ZHX2: variants seen among roughly 807,000 people sequenced by gnomAD.
ZHX2 encodes the protein zinc fingers and homeoboxes protein 2.
Under a neutral mutation model 21.9 loss-of-function variants are expected in ZHX2, and 6 were observed. That is an observed-to-expected ratio of 0.27 (90% CI 0.15 to 0.54). The LOEUF (loss-of-function observed/expected upper bound fraction) is 0.54. ZHX2 is among the 20% of genes least tolerant of loss of function. The pLI, the probability that ZHX2 is intolerant of heterozygous loss-of-function variation, is 0.95. For synonymous variants in ZHX2, 434 were observed against 437.1 expected (o/e 0.99, Z 0.09); for missense variants, 908 against 1,090.7 (o/e 0.83, Z 2.36).
chr8:122,783,578 C>G (rs1362016517), intron 1 of ZHX2, among the ~76,000 whole-genome samples: 1 of 152,176 alleles, frequency 6.6e-6, no homozygotes, highest in Non-Finnish European at 1.5e-5. Context: ...TCTGAGAGCT[C>G]TTCAAGATTT....
Position 122,952,411 on chromosome 8 carries a change from C to T in ZHX2, c.901C>T (p.His301Tyr). 1 of 1,614,216 alleles carries T rather than the reference C, an allele frequency of 6.2e-7. No individual in the cohort carries two copies. ...GTCCTGGCTGACAGCTGCCTCCAAA[C>T]ACCCAGAGGAGCACATCAGAATCTG... ...ELSWLTAASK[H>Y]PEEHIRIWFA... Residue 301 changes from histidine (H) to tyrosine (Y), a missense_variant, in exon 3 of 4, where the codon CAC (histidine) becomes TAC (tyrosine). By Grantham distance (83) the His-to-Tyr change is moderately conservative. This residue lies in a region of ZHX2 where 232 missense variants were observed against 361.8 expected (regional missense o/e 0.64). Transcript: ENST00000314393. The surrounding 1 kb of genome is among the most constrained non-coding windows in gnomAD (Gnocchi z 6.9).
chr8:122,886,209 A>G (rs1009296275), intron 2 of ZHX2, among the ~76,000 whole-genome samples: 1 of 152,242 alleles, frequency 6.6e-6, no homozygotes, highest in Non-Finnish European at 1.5e-5. Context: ...GCATATTGCT[A>G]AGTGAAAGAA....
intron 3 of ZHX2, among the ~76,000 whole-genome samples, chr8:122,962,813 C>T (rs995972458): frequency 1.3e-5 from 2 of 152,132 alleles, no homozygotes; most frequent in East Asian, 3.8e-4. Context: ...TTAATTATGG[C>T]CATTCTTGCA....
At chr8:122,891,121 G>A (rs993108104) in intron 2 of ZHX2, among the ~76,000 whole-genome samples, 1 of 152,108 alleles carries the variant, frequency 6.6e-6, no homozygotes, top group African/African-American at 2.4e-5. Context: ...AAGAATTGGT[G>A]TTAGTTCTTC....
chr8:122,833,157 A>C (rs1818415686), intron 1 of ZHX2, among the ~76,000 whole-genome samples: 1 of 152,238 alleles, frequency 6.6e-6, no homozygotes, highest in Non-Finnish European at 1.5e-5. Flanking sequence ...GGTTTAGAAC[A>C]GAAAAATGAG....
intron 1 of ZHX2, among the ~76,000 whole-genome samples, chr8:122,850,197 C>T (rs560874790): frequency 2.0e-5 from 3 of 152,304 alleles, no homozygotes; most frequent in Admixed American, 1.3e-4. Flanking sequence ...ACCACATCCT[C>T]GCAAGAGCCC....
chr8:122,841,081 G>A (rs887536635), intron 1 of ZHX2, among the ~76,000 whole-genome samples: 2 of 152,172 alleles, frequency 1.3e-5, no homozygotes, highest in African/African-American at 4.8e-5. Flanking sequence ...CTGGCCCTTG[G>A]TTCTTGTCTT....
chr8:122,969,488 C>T (rs1000589335), intron 3 of ZHX2, among the ~76,000 whole-genome samples: 3 of 151,948 alleles, frequency 2.0e-5, no homozygotes, highest in Non-Finnish European at 4.4e-5. Flanking sequence ...TATGCATATG[C>T]CCAAACTCAC....
chr8:122,875,334 A>C (rs1819547231), intron 2 of ZHX2, among the ~76,000 whole-genome samples: 1 of 151,944 alleles, frequency 6.6e-6, no homozygotes, highest in Non-Finnish European at 1.5e-5. Context: ...AACAAACAAA[A>C]CAAAGAAGAA....
Position 122,935,726 on chromosome 8 carries a change from G to A in ZHX2, c.-219-15566G>A, listed in dbSNP as rs536268830. ...AATTATTTGTATTTTTAGTAGAGAC[G>A]GGGTTTCACCATGTTAGCCAGGATT... On this transcript the variant is annotated intron_variant, in intron 2 of 3. Transcript: ENST00000314393. 4.8e-3 allele frequency among the ~76,000 whole-genome samples: 732 copies of A among 151,956 alleles called. 6 individuals are homozygous for A. Among genetic ancestry groups the A allele is most frequent in the African/African-American group, 0.016 (682 of 41,450 alleles).
intron 3 of ZHX2, among the ~76,000 whole-genome samples, chr8:122,960,583 G>C (rs904991864): frequency 6.6e-6 from 1 of 152,062 alleles, no homozygotes; most frequent in African/African-American, 2.4e-5. Context: ...GTAATGGATG[G>C]ATTGAAAACC....
rs1812852520 is a variant in ZHX2, at chr8:122,941,855, G to A, written c.-219-9437G>A. On this transcript the variant is annotated intron_variant, in intron 2 of 3. Coordinates refer to ENST00000314393, the MANE Select transcript of ZHX2 (RefSeq NM_014943.5). ...CCCAGGCTCTGCACCTGGAGGCTTG[G>A]GTGTAGTAACTCTGGACTGAGGTTC... Among the ~76,000 whole-genome samples, 4 of 152,250 alleles carry A rather than the reference G, an allele frequency of 2.6e-5. No homozygotes were observed. The South Asian group carries it at 8.3e-4, about 32-fold the overall frequency.
intron 1 of ZHX2, among the ~76,000 whole-genome samples, chr8:122,785,516 C>T (rs2130513228): frequency 6.6e-6 from 1 of 152,356 alleles, no homozygotes; most frequent in African/African-American, 2.4e-5. Flanking sequence ...TTACCCAGTA[C>T]AGCTTCACTG....
intron 1 of ZHX2, among the ~76,000 whole-genome samples, chr8:122,820,011 G>C (rs1450959861): frequency 6.6e-6 from 1 of 152,104 alleles, no homozygotes; most frequent in Non-Finnish European, 1.5e-5. Flanking sequence ...AGAGCTCTCA[G>C]GGGTTGGCGA....
chr8:122,784,933 C>G (rs527511870), intron 1 of ZHX2, among the ~76,000 whole-genome samples: 3 of 152,172 alleles, frequency 2.0e-5, no homozygotes, highest in Admixed American at 2.0e-4. Flanking sequence ...GGAGACAGAG[C>G]CCCCCTGGCA....
chr8:122,970,576 C>G (rs1813695464), intron 3 of ZHX2, among the ~76,000 whole-genome samples: 1 of 152,214 alleles, frequency 6.6e-6, no homozygotes, highest in Middle Eastern at 3.2e-3. Flanking sequence ...TCCACCCCAT[C>G]CTGCAGTCCT....
chr8:122,817,312 C>A (rs1354012801), intron 1 of ZHX2, among the ~76,000 whole-genome samples: 1 of 152,162 alleles, frequency 6.6e-6, no homozygotes, highest in Non-Finnish European at 1.5e-5. Flanking sequence ...CTTTACAGGC[C>A]CTTTTATCCT....
chr8:122,782,287 A>G lies in ZHX2; in HGVS notation c.-283+341A>G, dbSNP rs866078865. Reference sequence around the variant, plus strand: ...AGGAAAAACATGTCTACGTTTCCCTATGTCGACATAAGCCACAAAAAAATA... The same window carrying G: ...AGGAAAAACATGTCTACGTTTCCCTGTGTCGACATAAGCCACAAAAAAATA... On this transcript the variant is annotated intron_variant, in intron 1 of 3. Coordinates refer to ENST00000314393, the MANE Select transcript of ZHX2 (RefSeq NM_014943.5). This position sits in a 1 kb window ranked among gnomAD's most constrained non-coding sequence, Gnocchi z 5.3. Among the ~76,000 whole-genome samples the G allele has an allele frequency of 6.6e-6, 1 of 152,060 alleles. No homozygotes were observed. The highest frequency in any genetic ancestry group is 1.5e-5 in the Non-Finnish European group (1 of 68,002).
At chr8:122,808,850 A>C (rs994708506) in intron 1 of ZHX2, 1 of 152,234 alleles carries the variant, frequency 6.6e-6, no homozygotes, top group Admixed American at 6.5e-5. Flanking sequence ...TTTGAGTTGG[A>C]GCTCCAAAGC....
Sources: gnomAD v4.1 joint callset for allele counts (sites outside exome capture counted in the v4.1 genomes callset) on GRCh38, gnomAD v4.1.1 for gene constraint, gnomAD v4.1.1 regional missense constraint, Gnocchi (gnomAD v3.1) non-coding constraint, MANE v1.5 for transcripts, NCBI Gene and HGNC (gene_info 2026-07-23, HGNC 2026-07-21) for gene names.